Variants in KLHL41 observed in about 807,000 individuals in gnomAD.
The protein encoded by KLHL41 is kelch-like protein 41.
A neutral mutation model predicts 49.2 loss-of-function variants in KLHL41; 31 were observed. That is an observed-to-expected ratio of 0.63 (90% CI 0.47 to 0.85). The LOEUF is 0.85. Ranked by LOEUF, KLHL41 falls within the 40% of genes least tolerant of loss-of-function variation. KLHL41 has a pLI of 0.00. For missense variants in KLHL41, 663 were observed against 726.7 expected (o/e 0.91, Z 1.01); for synonymous variants, 218 against 258.5 (o/e 0.84, Z 1.50).
chr2:169,510,986 T>C lies in KLHL41; in HGVS notation c.1110+98T>C. ...TGAATTATTCAAGCTGCTTGCATTTTACTCTAATTGATGTCCTATTCCAGT... is the reference window on the plus strand; with the variant it reads ...TGAATTATTCAAGCTGCTTGCATTTCACTCTAATTGATGTCCTATTCCAGT... On this transcript the variant is annotated intron_variant, in intron 1 of 5. Coordinates refer to ENST00000284669, the MANE Select transcript of KLHL41 (RefSeq NM_006063.3). This position sits in a 1 kb window ranked among gnomAD's most constrained non-coding sequence, Gnocchi z 4.2. 9.7e-7 allele frequency: 1 copy of C among 1,034,110 alleles called. No homozygotes were observed. The highest frequency in any genetic ancestry group is 2.2e-5 in the Admixed American group (1 of 46,402). 64.1% of individuals were successfully genotyped at this position (1,034,110 alleles called of 1,614,324 possible). A position where few individuals can be genotyped will look rare whatever the true frequency, so the allele number is the denominator to read the frequency against.
chr2:169,520,091 A>G (rs1684174933), intron 4 of KLHL41, among the ~76,000 whole-genome samples: 1 of 150,494 alleles, frequency 6.6e-6, no homozygotes, highest in South Asian at 2.1e-4. Flanking sequence ...CCTTGACCTC[A>G]AGGGCTCAAG....
chr2:169,518,600 T>C (rs1000593443), intron 4 of KLHL41, among the ~76,000 whole-genome samples: 3 of 152,228 alleles, frequency 2.0e-5, no homozygotes, highest in Non-Finnish European at 4.4e-5. Context: ...CACATGACCC[T>C]TAAGTCAGTG....
At chr2:169,520,054 C>G (rs1388884860) in intron 4 of KLHL41, among the ~76,000 whole-genome samples, 1 of 152,018 alleles carries the variant, frequency 6.6e-6, no homozygotes, top group Non-Finnish European at 1.5e-5. Context: ...GGCTGGAATG[C>G]AGCAATGCGA....
chr2:169,520,915 C>A lies in KLHL41; in HGVS notation c.1617C>A (p.Ser539Arg). 2 of 1,613,610 alleles carry A rather than the reference C, an allele frequency of 1.2e-6. No individual in the cohort carries two copies. Among genetic ancestry groups the A allele is most frequent in the Non-Finnish European group, 1.7e-6 (2 of 1,179,562 alleles). The change falls in exon 5 of 6, where the codon AGC becomes AGA. Residue 539 changes from serine (S) to arginine (R), a missense_variant. Ser to Arg is a moderately radical substitution (Grantham distance 110, BLOSUM62 -1). Coordinates refer to ENST00000284669, the MANE Select transcript of KLHL41 (RefSeq NM_006063.3). ...PQERSSISLV[S>R]LAGSLYAIGG... ...AAAGAAGCTCCATCAGTTTGGTCAGCCTGGCTGGATCTCTGTATGCAATTG... is the reference window on the plus strand; with the variant it reads ...AAAGAAGCTCCATCAGTTTGGTCAGACTGGCTGGATCTCTGTATGCAATTG...
Position 169,514,613 on chromosome 2 carries a change from C to G in KLHL41, c.1150C>G (p.Leu384Val). ...ATCTGAATGGGTTGGACTTCCACCT[C>G]TGCCTTCAGCCAGGTGTCTCTTCGG... ...IASEWVGLPPLPSARCLFGLG... is the reference protein window; with the variant it reads ...IASEWVGLPPVPSARCLFGLG... Residue 384 changes from leucine (L) to valine (V), a missense_variant, in exon 2 of 6, where the codon CTG (leucine) becomes GTG (valine). By Grantham distance (32) the Leu-to-Val change is conservative. Transcript: ENST00000284669. The G allele has an allele frequency of 6.2e-7, 1 of 1,613,934 alleles. No homozygotes were observed. The highest frequency in any genetic ancestry group is 8.5e-7 in the Non-Finnish European group (1 of 1,179,882).
In KLHL41 at chr2:169,510,560, G is replaced by A; in HGVS notation, c.782G>A (p.Gly261Asp). The change falls in exon 1 of 6, where the codon GGC becomes GAC. Residue 261 changes from glycine to aspartate, a missense_variant. Physicochemically the swap from Gly to Asp is moderately conservative, Grantham distance 94. Coordinates refer to ENST00000284669, the MANE Select transcript of KLHL41 (RefSeq NM_006063.3). This position sits in a 1 kb window ranked among gnomAD's most constrained non-coding sequence, Gnocchi z 4.2. ...AAAGTTCTAAAAGATGCTTTCGCAG[G>A]CAAACTCCCAGAACCTAGCAAAAAT... ...KIKVLKDAFA[G>D]KLPEPSKNAA... is the part of the protein sequence containing the mutation. The A allele has an allele frequency of 6.2e-7, 1 of 1,614,026 alleles. No homozygotes were observed. Among genetic ancestry groups the A allele is most frequent in the Non-Finnish European group, 8.5e-7 (1 of 1,179,974 alleles).
chr2:169,518,463 G>C, intron 4 of KLHL41, 88 bp downstream of exon 4: 6 of 1,017,778 alleles, frequency 5.9e-6, no homozygotes, highest in Non-Finnish European at 8.6e-6. Flanking sequence ...TTCTAATTAG[G>C]ATGTGGGGAG....
chr2:169,510,587 C>T lies in KLHL41; in HGVS notation c.809C>T (p.Ala270Val), dbSNP rs764073465. The change falls in exon 1 of 6, where the codon GCC becomes GTC. Residue 270 changes from alanine to valine, a missense_variant. Ala to Val is a moderately conservative substitution (Grantham distance 64). Coordinates refer to ENST00000284669, the MANE Select transcript of KLHL41 (RefSeq NM_006063.3). The surrounding 1 kb of genome is among the most constrained non-coding windows in gnomAD (Gnocchi z 4.2). ...AAACTCCCAGAACCTAGCAAAAATG[C>T]CGCGAAGACTGGGGCTGGTGAGGTG... ...AGKLPEPSKNAAKTGAGEVNG... is the reference protein window; with the variant it reads ...AGKLPEPSKNVAKTGAGEVNG... The T allele has an allele frequency of 1.9e-6, 3 of 1,614,154 alleles. No homozygotes were observed. Among genetic ancestry groups the T allele is most frequent in the Non-Finnish European group, 8.5e-7 (1 of 1,180,026 alleles).
chr2:169,512,245 G>T (rs913469914), intron 1 of KLHL41, among the ~76,000 whole-genome samples: 8 of 152,002 alleles, frequency 5.3e-5, no homozygotes, highest in African/African-American at 1.7e-4. Context: ...TTTGAATGTG[G>T]GTCAGAAAAT....
In KLHL41 at chr2:169,524,724, T is replaced by C. The variant is rs1684270280; in HGVS notation, c.1710-861T>C. ...ATTTGGGGTTGTCTTGTGCCAGGTC[T>C]TGACAATTTGTGGAGAGATATTAAT... On this transcript the variant is annotated intron_variant, in intron 5 of 5. Transcript: ENST00000284669. Among the ~76,000 whole-genome samples, 3 of 152,118 alleles carry C rather than the reference T, an allele frequency of 2.0e-5. No homozygotes were observed. In the South Asian group the frequency reaches 6.2e-4, roughly 32 times the overall value.
chr2:169,522,710 T>C (rs1684220666), intron 5 of KLHL41, among the ~76,000 whole-genome samples: 1 of 19,764 alleles, frequency 5.1e-5, no homozygotes, highest in Admixed American at 8.7e-4. Context: ...CAGTGATTTT[T>C]TTTTTTTTTT....
intron 3 of KLHL41, 35 bp downstream of exon 3, chr2:169,514,996 A>G: frequency 7.8e-7 from 1 of 1,277,554 alleles, no homozygotes; most frequent in Non-Finnish European, 1.1e-6. Context: ...TTATGTCTAA[A>G]TGACTTTTTA....
intron 5 of KLHL41, among the ~76,000 whole-genome samples, chr2:169,521,640 GC>G (rs2105312859): frequency 6.6e-6 from 1 of 152,214 alleles, no homozygotes; most frequent in East Asian, 1.9e-4. Context: ...TGATCCACCC[GC>G]CTCAATCTCC....
Position 169,510,392 on chromosome 2 carries a change from G to C in KLHL41, c.614G>C (p.Arg205Pro). 6.2e-7 allele frequency: 1 copy of C among 1,614,054 alleles called. No individual in the cohort carries two copies. Among genetic ancestry groups the C allele is most frequent in the Middle Eastern group, 1.7e-4 (1 of 6,060 alleles). Residue 205 changes from arginine to proline, a missense_variant, in exon 1 of 6, where the codon CGA (arginine) becomes CCA (proline). By Grantham distance (103) the Arg-to-Pro change is moderately radical. Coordinates refer to ENST00000284669, the MANE Select transcript of KLHL41 (RefSeq NM_006063.3). The surrounding 1 kb of genome is among the most constrained non-coding windows in gnomAD (Gnocchi z 4.2). ...TTTGAGGCAGTGATGAAATGGGTGC[G>C]AACAGACAAGGAAAACAGGGTTAAA... ...AVFEAVMKWV[R>P]TDKENRVKNL...
At chr2:169,520,180 GTGTGTGTGTGTGT>G (rs1684176926) in intron 4 of KLHL41, among the ~76,000 whole-genome samples, 1 of 146,144 alleles carries the variant, frequency 6.8e-6, no homozygotes, top group South Asian at 2.2e-4. Context: ...GTGTGTGTGT[GTGTGTGTGTGTGT>G]GTGTGTGTGT....
At chr2:169,518,921 C>T (rs1684158110) in intron 4 of KLHL41, among the ~76,000 whole-genome samples, 1 of 152,162 alleles carries the variant, frequency 6.6e-6, no homozygotes, top group African/African-American at 2.4e-5. Flanking sequence ...CTCAAATGAT[C>T]CTCTCACGGT....
At chr2:169,520,130 G>A (rs1684175377) in intron 4 of KLHL41, among the ~76,000 whole-genome samples, 1 of 149,540 alleles carries the variant, frequency 6.7e-6, no homozygotes, top group Non-Finnish European at 1.5e-5. Context: ...GGGACTATAG[G>A]GACATACCAC....
chr2:169,512,077 G>A (rs1684036624), intron 1 of KLHL41, among the ~76,000 whole-genome samples: 1 of 152,184 alleles, frequency 6.6e-6, no homozygotes, highest in Admixed American at 6.5e-5. Flanking sequence ...TCATACCACA[G>A]TCACAGTATG....
At chr2:169,517,132 C>T (rs1366430640) in intron 3 of KLHL41, among the ~76,000 whole-genome samples, 1 of 152,124 alleles carries the variant, frequency 6.6e-6, no homozygotes, top group Non-Finnish European at 1.5e-5. Flanking sequence ...TACCAATAGT[C>T]AAATATTAGA....
Sources: gnomAD v4.1 joint callset for allele counts (sites outside exome capture counted in the v4.1 genomes callset) on GRCh38, gnomAD v4.1.1 for gene constraint, Gnocchi (gnomAD v3.1) non-coding constraint, MANE v1.5 for transcripts, NCBI Gene and HGNC (gene_info 2026-07-23, HGNC 2026-07-21) for gene names.